Variants in COL4A1 observed in about 807,000 individuals in gnomAD.
The protein encoded by COL4A1 is collagen type IV alpha 1 chain, also known as collagen alpha-1(IV) chain.
Under a neutral mutation model 216.6 loss-of-function variants are expected in COL4A1, and 40 were observed. The ratio of observed to expected loss-of-function variants is 0.18; its 90% CI spans 0.14 to 0.24. COL4A1 has a LOEUF of 0.24. COL4A1 is among the 10% of genes least tolerant of loss of function. COL4A1 has a pLI of 1.00. For missense variants in COL4A1, 1,628 were observed against 2,196.8 expected (o/e 0.74, Z 5.18); for synonymous variants, 839 against 810.7 (o/e 1.03, Z -0.59).
intron 51 of COL4A1, among the ~76,000 whole-genome samples, chr13:110,151,022 T>C (rs1352292135): frequency 6.6e-6 from 1 of 152,218 alleles, no homozygotes; most frequent in Non-Finnish European, 1.5e-5. Flanking sequence ...ACATTCAATG[T>C]CCCAAGTGTT....
chr13:110,158,819 T>C (rs1876925918), intron 49 of COL4A1, among the ~76,000 whole-genome samples: 1 of 149,702 alleles, frequency 6.7e-6, no homozygotes, highest in South Asian at 2.1e-4. Flanking sequence ...CCTGGCTCAC[T>C]GCAACCTCCG....
rs1883129867 is a variant in COL4A1 at position 110,268,590 on chromosome 13, G to C, written c.85-25856C>G. Among the ~76,000 whole-genome samples the C allele has an allele frequency of 6.6e-6, 1 of 152,234 alleles. No homozygotes were observed. Among genetic ancestry groups the C allele is most frequent in the African/African-American group, 2.4e-5 (1 of 41,460 alleles). On this transcript the variant is annotated intron_variant, in intron 1 of 51. Transcript: ENST00000375820. The surrounding 1 kb of genome is among the most constrained non-coding windows in gnomAD (Gnocchi z 4.1). ...GGTGTGGCAGGGAAAATGCTTTTGA[G>C]CTTCAAGCCTCAGTTAAAATGCTGG...
At chr13:110,205,246 A>AT in intron 17 of COL4A1, 107 bp downstream of exon 17, 5 of 1,350,894 alleles carry the variant, frequency 3.7e-6, no homozygotes, top group African/African-American at 1.5e-5. Context: ...AGCATAAATG[A>AT]TTTTTTTCCC....
At chr13:110,205,197 C>A in intron 17 of COL4A1, 156 bp downstream of exon 17, 1 of 811,548 alleles carries the variant, frequency 1.2e-6, no homozygotes. Context: ...AAATCATGAA[C>A]ATAAAGGAAA....
chr13:110,256,212 C>T (rs971119947), intron 1 of COL4A1, among the ~76,000 whole-genome samples: 2 of 152,098 alleles, frequency 1.3e-5, no homozygotes, highest in South Asian at 4.1e-4. Flanking sequence ...TTGTCCTGGG[C>T]CCCAAGCGAC....
intron 19 of COL4A1, 62 bp downstream of exon 19, chr13:110,201,376 G>GA (rs779536001): frequency 7.7e-6 from 9 of 1,163,332 alleles, no homozygotes; most frequent in Non-Finnish European, 8.4e-6. Flanking sequence ...CGAGGAGGAG[G>GA]AAGAGGAGGA....
chr13:110,264,823 G>A (rs1882959402), intron 1 of COL4A1, among the ~76,000 whole-genome samples: 2 of 152,110 alleles, frequency 1.3e-5, no homozygotes, highest in South Asian at 4.2e-4. Flanking sequence ...GGTTGATGGG[G>A]GGATTGAAGG....
intron 23 of COL4A1, 83 bp from the exon 24 acceptor site, chr13:110,192,367 T>A (rs767231174): frequency 8.2e-5 from 106 of 1,285,520 alleles, no homozygotes; most frequent in Non-Finnish European, 1.2e-4. Context: ...CTCAAAAGCA[T>A]AAAAATCTGT....
intron 1 of COL4A1, among the ~76,000 whole-genome samples, chr13:110,301,823 G>A (rs544272802): frequency 2.0e-5 from 3 of 152,160 alleles, no homozygotes; most frequent in African/African-American, 7.2e-5. Flanking sequence ...AGCAAGGAAC[G>A]AGGCCAGAAA....
chr13:110,195,039 G>A lies in COL4A1; in HGVS notation c.1365C>T (p.Gly455=), dbSNP rs576636085. ...PGIPGQPGFI[G]EIGEKGQKGE... ...ATTTCTTACCTTTCTCTCCAATTTCGCCTATAAATCCTGGCTGCCCTGGAA... is the reference window on the plus strand; with the variant it reads ...ATTTCTTACCTTTCTCTCCAATTTCACCTATAAATCCTGGCTGCCCTGGAA... Residue 455 remains glycine (G), a synonymous_variant, in exon 22 of 52, where the codon GGC becomes GGT. Coordinates refer to ENST00000375820, the MANE Select transcript of COL4A1 (RefSeq NM_001845.6). 36 of 1,613,864 alleles carry A rather than the reference G, an allele frequency of 2.2e-5. No homozygotes were observed. Among genetic ancestry groups the A allele is most frequent in the East Asian group, 2.0e-4 (9 of 44,876 alleles).
intron 1 of COL4A1, among the ~76,000 whole-genome samples, chr13:110,267,571 C>G (rs749869452): frequency 6.6e-6 from 1 of 152,140 alleles, no homozygotes; most frequent in African/African-American, 2.4e-5. Flanking sequence ...GTAAGCTCCC[C>G]TTATCCAAGC....
chr13:110,222,689 C>A (rs556286042), intron 2 of COL4A1, among the ~76,000 whole-genome samples: 15 of 137,100 alleles, frequency 1.1e-4, no homozygotes, highest in African/African-American at 3.7e-4. Context: ...AAGAGAATGG[C>A]ATGAACCAGG....
intron 1 of COL4A1, among the ~76,000 whole-genome samples, chr13:110,281,663 A>C (rs1050590313): frequency 6.6e-6 from 1 of 152,226 alleles, no homozygotes; most frequent in Non-Finnish European, 1.5e-5. Flanking sequence ...CAAAGAGTAA[A>C]GTCTTACCCA....
chr13:110,229,548 C>A (rs745560215), intron 2 of COL4A1, among the ~76,000 whole-genome samples: 1 of 152,202 alleles, frequency 6.6e-6, no homozygotes, highest in Non-Finnish European at 1.5e-5. Flanking sequence ...AATGTCCATG[C>A]CCCGCCCCAA....
intron 1 of COL4A1, among the ~76,000 whole-genome samples, chr13:110,280,081 T>C (rs1375787111): frequency 1.3e-5 from 2 of 152,262 alleles, no homozygotes; most frequent in Non-Finnish European, 2.9e-5. Context: ...TTTCTTTTAA[T>C]TTGGAGCTTA....
chr13:110,233,297 G>A (rs573697986), intron 2 of COL4A1, among the ~76,000 whole-genome samples: 2 of 152,136 alleles, frequency 1.3e-5, no homozygotes, highest in South Asian at 2.1e-4. Context: ...GGAAATAGGG[G>A]ACATCTGGAA....
intron 1 of COL4A1, among the ~76,000 whole-genome samples, chr13:110,293,098 A>C (rs761614987): frequency 3.3e-5 from 5 of 152,238 alleles, no homozygotes; most frequent in African/African-American, 4.8e-5. Flanking sequence ...GCTGGATTCC[A>C]TTCAAGGTCA....
intron 1 of COL4A1, among the ~76,000 whole-genome samples, chr13:110,248,224 C>G (rs952262873): frequency 6.6e-6 from 1 of 152,162 alleles, no homozygotes; most frequent in Non-Finnish European, 1.5e-5. Context: ...ACTAAATAAG[C>G]GTATGGAGGC....
intron 1 of COL4A1, among the ~76,000 whole-genome samples, chr13:110,297,442 G>A (rs1884319244): frequency 6.6e-6 from 1 of 151,788 alleles, no homozygotes; most frequent in Non-Finnish European, 1.5e-5. Context: ...CTCATGGATA[G>A]ATGGGGAAAC....
Sources: gnomAD v4.1 joint callset for allele counts (sites outside exome capture counted in the v4.1 genomes callset) on GRCh38, gnomAD v4.1.1 for gene constraint, Gnocchi (gnomAD v3.1) non-coding constraint, MANE v1.5 for transcripts, NCBI Gene and HGNC (gene_info 2026-07-23, HGNC 2026-07-21) for gene names.